The following HS6ST3 variants were observed in gnomAD, a reference collection of about 807,000 sequenced individuals.
The protein encoded by HS6ST3 is heparan sulfate 6-O-sulfotransferase 3.
A neutral mutation model predicts 36.7 loss-of-function variants in HS6ST3; 12 were observed. The observed-to-expected ratio is 0.33, with a 90% CI of 0.21 to 0.53. The LOEUF (loss-of-function observed/expected upper bound fraction) is 0.53. HS6ST3 is among the 20% of genes least tolerant of loss of function. The pLI, the probability that HS6ST3 is intolerant of heterozygous loss-of-function variation, is 0.95. For synonymous variants in HS6ST3, 240 were observed against 257.5 expected (o/e 0.93, Z 0.65); for missense variants, 584 against 640.9 (o/e 0.91, Z 0.96).
At chr13:96,803,756 C>T (rs1296202309) in intron 1 of HS6ST3, among the ~76,000 whole-genome samples, 1 of 152,114 alleles carries the variant, frequency 6.6e-6, no homozygotes, top group Non-Finnish European at 1.5e-5. Context: ...GTAATTCTAG[C>T]ATCTGGAGTC....
At position 96,360,305 on chromosome 13, in the gene HS6ST3, G is replaced by A. The variant is rs957656038; in HGVS notation, c.707+268736G>A. 8.9e-5 allele frequency among the ~76,000 whole-genome samples: 5 copies of A among 55,960 alleles called. No individual in the cohort carries two copies. The East Asian group carries it at 2.0e-3, about 22-fold the overall frequency. The allele number at this position is 55,960 out of a possible 152,430, so 36.7% of individuals were successfully genotyped here. On this transcript the variant is annotated intron_variant, in intron 1 of 1. Transcript: ENST00000376705. The stretch of plus-strand genomic sequence containing the variant: ...GGCATCCTTTTGATGTTTTATAGGA[G>A]CTACTGACAAAAAAAAATAGGGGAA...
chr13:96,653,996 T>G (rs1473207969), intron 1 of HS6ST3, among the ~76,000 whole-genome samples: 2 of 152,218 alleles, frequency 1.3e-5, no homozygotes, highest in Non-Finnish European at 2.9e-5. Context: ...GTTGGCCACA[T>G]AAATGTCTTC....
intron 1 of HS6ST3, among the ~76,000 whole-genome samples, chr13:96,525,570 A>G (rs2056110613): frequency 6.6e-6 from 1 of 152,194 alleles, no homozygotes; most frequent in Non-Finnish European, 1.5e-5. Flanking sequence ...ACGCAAACAC[A>G]CACACACCAC....
intron 1 of HS6ST3, among the ~76,000 whole-genome samples, chr13:96,583,836 A>G (rs1041753508): frequency 2.0e-5 from 3 of 152,006 alleles, no homozygotes; most frequent in South Asian, 2.1e-4. Context: ...GAGTTTCTCA[A>G]CCTCTACGCT....
At chr13:96,360,750 C>T (rs973997500) in intron 1 of HS6ST3, among the ~76,000 whole-genome samples, 15 of 151,552 alleles carry the variant, frequency 9.9e-5, no homozygotes, top group African/African-American at 3.6e-4. Context: ...AGTTTGAGAC[C>T]AGCCAGGCCA....
intron 1 of HS6ST3, among the ~76,000 whole-genome samples, chr13:96,788,757 C>T (rs940323223): frequency 5.9e-5 from 9 of 151,650 alleles, no homozygotes; most frequent in African/African-American, 2.2e-4. Context: ...GTGAATTGAC[C>T]CTCTTATTAT....
At chr13:96,232,942 G>C (rs1024225531) in intron 1 of HS6ST3, among the ~76,000 whole-genome samples, 2 of 152,194 alleles carry the variant, frequency 1.3e-5, no homozygotes, top group Admixed American at 6.5e-5. Context: ...GCCTTGGTCA[G>C]CCAAAGAAGA....
chr13:96,747,901 A>G (rs576401557), intron 1 of HS6ST3, among the ~76,000 whole-genome samples: 3 of 152,134 alleles, frequency 2.0e-5, no homozygotes, highest in African/African-American at 7.2e-5. Context: ...TGGGGTAGCT[A>G]TTAGGAAGAT....
chr13:96,483,783 T>A (rs933471200), intron 1 of HS6ST3, among the ~76,000 whole-genome samples: 2 of 152,184 alleles, frequency 1.3e-5, no homozygotes, highest in Non-Finnish European at 2.9e-5. Flanking sequence ...GAAGTCATTA[T>A]GGTTAGTGTT....
chr13:96,505,476 G>A (rs1388077608), intron 1 of HS6ST3, among the ~76,000 whole-genome samples: 1 of 152,122 alleles, frequency 6.6e-6, no homozygotes, highest in Non-Finnish European at 1.5e-5. Context: ...GCCTGGGTTT[G>A]TCCAACTTAC....
chr13:96,763,145 A>G (rs1472768946), intron 1 of HS6ST3, among the ~76,000 whole-genome samples: 1 of 152,146 alleles, frequency 6.6e-6, no homozygotes, highest in Non-Finnish European at 1.5e-5. Flanking sequence ...ACTCTGAGAA[A>G]GAAAAATGTG....
At chr13:96,413,887 A>G (rs933742030) in intron 1 of HS6ST3, among the ~76,000 whole-genome samples, 7 of 152,204 alleles carry the variant, frequency 4.6e-5, no homozygotes, top group Non-Finnish European at 7.3e-5. Flanking sequence ...CTTTCTTCCT[A>G]TAGTTTTTGG....
intron 1 of HS6ST3, among the ~76,000 whole-genome samples, chr13:96,727,809 C>T (rs1312305053): frequency 3.3e-5 from 5 of 152,138 alleles, no homozygotes; most frequent in Admixed American, 2.6e-4. Context: ...TTTCTTTCAC[C>T]TCTCAGCCTC....
At chr13:96,241,428 G>GA (rs201011040) in intron 1 of HS6ST3, among the ~76,000 whole-genome samples, 23 of 151,354 alleles carry the variant, frequency 1.5e-4, no homozygotes, top group South Asian at 1.0e-3. Context: ...TGAAATAATT[G>GA]AAAAAAAGCA....
At chr13:96,442,482 G>T (rs1355651443) in intron 1 of HS6ST3, among the ~76,000 whole-genome samples, 1 of 152,136 alleles carries the variant, frequency 6.6e-6, no homozygotes, top group African/African-American at 2.4e-5. Flanking sequence ...TCTCAGCCAA[G>T]AATTCGATGT....
At chr13:96,284,294 T>C (rs1566311359) in intron 1 of HS6ST3, among the ~76,000 whole-genome samples, 1 of 151,970 alleles carries the variant, frequency 6.6e-6, no homozygotes. Context: ...GGTCCCACAA[T>C]AGGCTGTCTG....
At chr13:96,239,769 G>A (rs1439414980) in intron 1 of HS6ST3, among the ~76,000 whole-genome samples, 1 of 152,162 alleles carries the variant, frequency 6.6e-6, no homozygotes, top group Non-Finnish European at 1.5e-5. Context: ...CCTCTTTGGA[G>A]CATCTGGGGG....
intron 1 of HS6ST3, among the ~76,000 whole-genome samples, chr13:96,257,268 C>T (rs2054641744): frequency 6.6e-6 from 1 of 152,178 alleles, no homozygotes; most frequent in Non-Finnish European, 1.5e-5. Flanking sequence ...CATCTATCTA[C>T]TGTGCATCTG....
chr13:96,403,747 C>T (rs1157646337), intron 1 of HS6ST3, among the ~76,000 whole-genome samples: 1 of 152,184 alleles, frequency 6.6e-6, no homozygotes, highest in Non-Finnish European at 1.5e-5. Context: ...AGCTGTGAAA[C>T]TTCAATGCTT....
Sources: gnomAD v4.1 joint callset for allele counts (sites outside exome capture counted in the v4.1 genomes callset) on GRCh38, gnomAD v4.1.1 for gene constraint, MANE v1.5 for transcripts, NCBI Gene and HGNC (gene_info 2026-07-23, HGNC 2026-07-21) for gene names.